The following PAQR5 variants were observed in gnomAD, a reference collection of about 807,000 sequenced individuals.
The protein encoded by PAQR5 is progestin and adipoQ receptor family member 5, also known as membrane progestin receptor gamma.
PAQR5 carries 20 observed loss-of-function variants against 34.5 expected under a neutral mutation model. That is an observed-to-expected ratio of 0.58 (90% CI 0.41 to 0.84). The LOEUF (loss-of-function observed/expected upper bound fraction) is 0.84, where lower values mean the gene tolerates loss of function less well. PAQR5 is among the 40% of genes least tolerant of loss of function. PAQR5 has a pLI of 0.00. For missense variants in PAQR5, 378 were observed against 412.7 expected (o/e 0.92, Z 0.73); for synonymous variants, 131 against 155.6 (o/e 0.84, Z 1.18).
intron 2 of PAQR5, among the ~76,000 whole-genome samples, chr15:69,340,211 G>C (rs893661678): frequency 3.3e-5 from 5 of 151,932 alleles, no homozygotes; most frequent in African/African-American, 1.2e-4. Context: ...ATGGCTTTTA[G>C]TAAGCAATAC....
At chr15:69,379,677 C>G (rs1567030473) in intron 3 of PAQR5, 1 of 843,846 alleles carries the variant, frequency 1.2e-6, no homozygotes, top group Non-Finnish European at 1.4e-6. Flanking sequence ...AATTCCCTCC[C>G]CCAGCTAGCT....
chr15:69,389,529 G>C lies in PAQR5; in HGVS notation c.386-125G>C, dbSNP rs548801218. On this transcript the variant is annotated intron_variant, in intron 5 of 8. Transcript: ENST00000395407. The stretch of plus-strand genomic sequence containing the variant: ...TCCTAGAAGGGGGAATGGCACCAGC[G>C]AGGGCGCAGAGCCAGGACTGTGGGA... 42 of 1,219,850 alleles carry C rather than the reference G, an allele frequency of 3.4e-5. No homozygotes were observed. In the African/African-American group the frequency reaches 5.8e-4, roughly 17 times the overall value. The allele number at this position is 1,219,850 out of a possible 1,614,324, so 75.6% of individuals were successfully genotyped here.
chr15:69,301,050 C>A (rs543450343), intron 1 of PAQR5, among the ~76,000 whole-genome samples: 2 of 144,344 alleles, frequency 1.4e-5, no homozygotes, highest in East Asian at 4.0e-4. Context: ...ATTACCCAGG[C>A]TAGAGTGCAA....
At chr15:69,367,813 G>A (rs994836200) in intron 3 of PAQR5, among the ~76,000 whole-genome samples, 9 of 152,194 alleles carry the variant, frequency 5.9e-5, no homozygotes, top group Non-Finnish European at 1.0e-4. Context: ...GAGAAGCTGC[G>A]TTAGAAACCT....
At chr15:69,355,380 CTTTCTTTCTCTTTCTTTCCT>C (rs1369345919) in intron 2 of PAQR5, among the ~76,000 whole-genome samples, 1 of 60,314 alleles carries the variant, frequency 1.7e-5, no homozygotes, top group Non-Finnish European at 3.3e-5. Flanking sequence ...TTCTTTCTTT[CTTTCTTTCTCTTTCTTTCCT>C]TCTTTCTTTT....
At chr15:69,322,838 G>A (rs866186813) in intron 1 of PAQR5, among the ~76,000 whole-genome samples, 785 of 18,588 alleles carry the variant, frequency 0.042, 15 homozygotes, top group Middle Eastern at 0.091. Context: ...AAGAAGAAGA[G>A]GAAGAAGAAG....
rs896264989 is a variant in PAQR5 at position 69,397,698 on chromosome 15, G to A, written c.609+134G>A. 7.4e-5 allele frequency: 51 copies of A among 689,650 alleles called. 1 individual carries two copies. The highest frequency in any genetic ancestry group is 4.3e-4 in the South Asian group (26 of 61,126). 42.7% of individuals were successfully genotyped at this position (689,650 alleles called of 1,614,324 possible). ...ACAGGAGTCGAGACCCAGGTGAAGGGGGCCAGCCCCTCCACACCTGTGGGT... is the reference window on the plus strand; with the variant it reads ...ACAGGAGTCGAGACCCAGGTGAAGGAGGCCAGCCCCTCCACACCTGTGGGT... On this transcript the variant is annotated intron_variant, in intron 7 of 8. Coordinates refer to ENST00000395407, the MANE Select transcript of PAQR5 (RefSeq NM_017705.4).
intron 3 of PAQR5, among the ~76,000 whole-genome samples, chr15:69,372,015 C>T (rs2055575992): frequency 6.6e-6 from 1 of 152,126 alleles, no homozygotes; most frequent in Non-Finnish European, 1.5e-5. Context: ...GAGTTAAGGT[C>T]AAATTTGGTA....
At chr15:69,398,112 G>A (rs1391671734) in intron 7 of PAQR5, among the ~76,000 whole-genome samples, 3 of 152,168 alleles carry the variant, frequency 2.0e-5, no homozygotes, top group Non-Finnish European at 4.4e-5. Flanking sequence ...TGGGCTGTGG[G>A]GAGGATTACA....
At chr15:69,378,454 A>AAT in intron 3 of PAQR5, among the ~76,000 whole-genome samples, 1 of 148,408 alleles carries the variant, frequency 6.7e-6, no homozygotes, top group Admixed American at 6.7e-5. Context: ...AAAAAAAAAA[A>AAT]AAAAAGAGAG....
At chr15:69,361,328 C>T (rs567539125) in intron 3 of PAQR5, among the ~76,000 whole-genome samples, 3 of 152,314 alleles carry the variant, frequency 2.0e-5, no homozygotes, top group East Asian at 1.9e-4. Flanking sequence ...CCTGTCCTTG[C>T]GTGACTCATA....
intron 3 of PAQR5, among the ~76,000 whole-genome samples, chr15:69,363,321 C>T (rs2055290298): frequency 1.3e-5 from 2 of 152,104 alleles, no homozygotes; most frequent in Admixed American, 1.3e-4. Context: ...TATTTAGTCT[C>T]CCTTGTGTCC....
intron 5 of PAQR5, among the ~76,000 whole-genome samples, chr15:69,387,155 C>T (rs1299830929): frequency 2.0e-5 from 3 of 152,234 alleles, no homozygotes; most frequent in South Asian, 2.1e-4. Context: ...CCACATCACC[C>T]TCCCACTGTC....
chr15:69,315,233 G>A (rs67297315), intron 1 of PAQR5, among the ~76,000 whole-genome samples: 8,283 of 152,084 alleles, frequency 0.054, 320 homozygotes, highest in East Asian at 0.15. Context: ...CTTCCACTCC[G>A]CCCCTTCTGC....
At chr15:69,307,085 A>T in intron 1 of PAQR5, among the ~76,000 whole-genome samples, 1 of 121,104 alleles carries the variant, frequency 8.3e-6, no homozygotes. Context: ...ATATTCCATT[A>T]CATATACATC....
chr15:69,300,577 C>CTT (rs1208119517), intron 1 of PAQR5, among the ~76,000 whole-genome samples: 1 of 82,830 alleles, frequency 1.2e-5, no homozygotes, highest in East Asian at 3.3e-4. Flanking sequence ...CTTTCTCTTT[C>CTT]TTTCTTTCTT....
intron 2 of PAQR5, among the ~76,000 whole-genome samples, chr15:69,351,532 G>A (rs2054917593): frequency 6.6e-6 from 1 of 152,204 alleles, no homozygotes; most frequent in South Asian, 2.1e-4. Flanking sequence ...GCTCTCAGCT[G>A]GCAAGGCCAA....
chr15:69,336,055 A>C (rs1014454199), intron 1 of PAQR5, among the ~76,000 whole-genome samples: 10 of 152,318 alleles, frequency 6.6e-5, no homozygotes, highest in African/African-American at 1.9e-4. Flanking sequence ...GAGAGAAAGG[A>C]GACAGATTCA....
intron 1 of PAQR5, among the ~76,000 whole-genome samples, chr15:69,328,628 C>CGGGATG (rs1567001525): frequency 1.3e-5 from 2 of 151,958 alleles, no homozygotes; most frequent in Non-Finnish European, 2.9e-5. Context: ...GGGAGTTGCT[C>CGGGATG]GGGATGGGGG....
Sources: gnomAD v4.1 joint callset for allele counts (sites outside exome capture counted in the v4.1 genomes callset) on GRCh38, gnomAD v4.1.1 for gene constraint, MANE v1.5 for transcripts, NCBI Gene and HGNC (gene_info 2026-07-23, HGNC 2026-07-21) for gene names.